The following PDZRN4 variants were observed in gnomAD, a reference collection of about 807,000 sequenced individuals.
PDZRN4 encodes the protein PDZ domain containing ring finger 4.
Under a neutral mutation model 99.0 loss-of-function variants are expected in PDZRN4, and 70 were observed. The observed-to-expected ratio is 0.71, with a 90% CI of 0.58 to 0.86. The LOEUF is 0.86. Ranked by LOEUF, PDZRN4 falls within the 40% of genes least tolerant of loss-of-function variation. The pLI is 0.00. For missense variants in PDZRN4, 1,474 were observed against 1,331.2 expected, an observed-to-expected ratio of 1.11 and a Z score of -1.67; for synonymous variants, 551 against 501.6, an observed-to-expected ratio of 1.10 and a Z score of -1.32.
At chr12:41,195,133 G>C (rs776238479) in intron 3 of PDZRN4, among the ~76,000 whole-genome samples, 1 of 152,128 alleles carries the variant, frequency 6.6e-6, no homozygotes, top group Non-Finnish European at 1.5e-5. Flanking sequence ...TTATGTTAAT[G>C]AAATTTTATG....
At chr12:41,534,877 T>A (rs1315050711) in intron 5 of PDZRN4, among the ~76,000 whole-genome samples, 3 of 152,176 alleles carry the variant, frequency 2.0e-5, no homozygotes, top group African/African-American at 7.2e-5. Flanking sequence ...CAATATTCTG[T>A]CTTTATCTCC....
chr12:41,523,853 G>A (rs1036251223), intron 5 of PDZRN4, among the ~76,000 whole-genome samples: 21 of 152,214 alleles, frequency 1.4e-4, no homozygotes, highest in African/African-American at 5.1e-4. Flanking sequence ...GAAAGTACTA[G>A]TGTATATTGA....
At chr12:41,567,500 T>C (rs1308324973) in intron 8 of PDZRN4, among the ~76,000 whole-genome samples, 1 of 152,178 alleles carries the variant, frequency 6.6e-6, no homozygotes, top group Non-Finnish European at 1.5e-5. Flanking sequence ...AGGATGCTTT[T>C]CATACATTTT....
intron 3 of PDZRN4, among the ~76,000 whole-genome samples, chr12:41,373,264 T>C (rs879850408): frequency 6.6e-6 from 1 of 152,136 alleles, no homozygotes; most frequent in Non-Finnish European, 1.5e-5. Flanking sequence ...GATAGCATCT[T>C]ATCAAGAGAC....
At chr12:41,499,321 C>G (rs867771298) in intron 3 of PDZRN4, among the ~76,000 whole-genome samples, 1 of 152,012 alleles carries the variant, frequency 6.6e-6, no homozygotes, top group Admixed American at 6.6e-5. Flanking sequence ...ACTCATGTGC[C>G]AAAAAGCAGA....
intron 3 of PDZRN4, among the ~76,000 whole-genome samples, chr12:41,504,003 G>C (rs531740322): frequency 6.6e-6 from 1 of 152,296 alleles, no homozygotes; most frequent in South Asian, 2.1e-4. Context: ...AGGAGTGGTG[G>C]CTCATGCCTG....
chr12:41,272,680 C>A (rs1951322426), intron 3 of PDZRN4, among the ~76,000 whole-genome samples: 1 of 151,790 alleles, frequency 6.6e-6, no homozygotes, highest in Non-Finnish European at 1.5e-5. Context: ...TCAAGACTGC[C>A]AGAAAAAAAT....
chr12:41,335,436 C>T (rs930761436), intron 3 of PDZRN4, among the ~76,000 whole-genome samples: 3 of 151,798 alleles, frequency 2.0e-5, no homozygotes, highest in Non-Finnish European at 4.4e-5. Flanking sequence ...TGTACTTTTT[C>T]TTATATATTA....
intron 3 of PDZRN4, among the ~76,000 whole-genome samples, chr12:41,393,227 A>T (rs1338695389): frequency 6.6e-6 from 1 of 152,226 alleles, no homozygotes; most frequent in Non-Finnish European, 1.5e-5. Context: ...ACTTAGCACA[A>T]GCATTTGTTA....
chr12:41,526,069 T>C (rs1352915541), intron 5 of PDZRN4, among the ~76,000 whole-genome samples: 2 of 152,184 alleles, frequency 1.3e-5, no homozygotes, highest in Admixed American at 1.3e-4. Context: ...ACACCTGGTG[T>C]ACTTGGCCAT....
chr12:41,526,056 A>G (rs896334318), intron 5 of PDZRN4, among the ~76,000 whole-genome samples: 4 of 152,102 alleles, frequency 2.6e-5, no homozygotes, highest in Admixed American at 1.3e-4. Context: ...TATAATCTCA[A>G]CAACACCTGG....
rs570058112 is a variant in PDZRN4 at position 41,245,845 on chromosome 12, T to C, written c.843+51657T>C. 3.9e-5 allele frequency among the ~76,000 whole-genome samples: 6 copies of C among 152,302 alleles called. 1 individual carries two copies. The highest frequency in any genetic ancestry group is 1.2e-4 in the African/African-American group (5 of 41,580). On this transcript the variant is annotated intron_variant, in intron 3 of 9. Transcript: ENST00000402685. The stretch of plus-strand genomic sequence containing the variant: ...CAAAAGAAGGGCAGCCCCACCCTTA[T>C]GTCACATCTGCCCTGCAAAGAAACA...
intron 3 of PDZRN4, among the ~76,000 whole-genome samples, chr12:41,359,972 G>T (rs968980680): frequency 6.6e-6 from 1 of 151,794 alleles, no homozygotes; most frequent in Non-Finnish European, 1.5e-5. Context: ...TTCCATCGGG[G>T]GATAATCAAC....
rs766290128 is a variant in PDZRN4 at position 41,572,830 on chromosome 12, T to C, written c.2051T>C (p.Met684Thr). 1.9e-6 allele frequency: 3 copies of C among 1,614,140 alleles called. No individual in the cohort carries two copies. In the Admixed American group the frequency reaches 5.0e-5, roughly 27 times the overall value. The change falls in exon 10 of 10, where the codon ATG becomes ACG. Residue 684 changes from methionine (M) to threonine (T), a missense_variant. Transcript: ENST00000402685. Reference sequence around the variant, plus strand: ...ATTGAGCTTGAGTGTCAGAATATCATGCAGGCTCACAGGCTCCAGAAAGTG... The same window carrying C: ...ATTGAGCTTGAGTGTCAGAATATCACGCAGGCTCACAGGCTCCAGAAAGTG... ...RNIELECQNIMQAHRLQKVTD... is the reference protein window; with the variant it reads ...RNIELECQNITQAHRLQKVTD...
intron 3 of PDZRN4, among the ~76,000 whole-genome samples, chr12:41,354,226 A>C (rs933678498): frequency 6.6e-6 from 1 of 152,100 alleles, no homozygotes; most frequent in African/African-American, 2.4e-5. Context: ...GTAATTTTCT[A>C]AGCAAATGGG....
chr12:41,396,313 T>TCAAGGCA (rs1045562787), intron 3 of PDZRN4, among the ~76,000 whole-genome samples: 1 of 152,124 alleles, frequency 6.6e-6, no homozygotes, highest in African/African-American at 2.4e-5. Context: ...GACAGTTTCT[T>TCAAGGCA]CAAGGCATGC....
At chr12:41,346,377 G>A (rs916112062) in intron 3 of PDZRN4, among the ~76,000 whole-genome samples, 3 of 152,148 alleles carry the variant, frequency 2.0e-5, no homozygotes, top group African/African-American at 7.2e-5. Context: ...CAGGAGAATG[G>A]TGTAAACCTG....
At chr12:41,542,754 G>A (rs1445991270) in intron 5 of PDZRN4, among the ~76,000 whole-genome samples, 1 of 152,168 alleles carries the variant, frequency 6.6e-6, no homozygotes, top group African/African-American at 2.4e-5. Flanking sequence ...AAGATAGAAG[G>A]CAAGTTAGAT....
chr12:41,448,293 C>G (rs1952746288), intron 3 of PDZRN4, among the ~76,000 whole-genome samples: 1 of 152,112 alleles, frequency 6.6e-6, no homozygotes, highest in African/African-American at 2.4e-5. Context: ...ATCTCTTTTT[C>G]TTTCAACACA....
Sources: gnomAD v4.1 joint callset for allele counts (sites outside exome capture counted in the v4.1 genomes callset) on GRCh38, gnomAD v4.1.1 for gene constraint, MANE v1.5 for transcripts, NCBI Gene and HGNC (gene_info 2026-07-23, HGNC 2026-07-21) for gene names.